The following PIAS1 variants were observed in gnomAD, a reference collection of about 807,000 sequenced individuals.
PIAS1 encodes the protein E3 SUMO-protein ligase PIAS1.
PIAS1 carries 6 observed loss-of-function variants against 71.3 expected under a neutral mutation model. That is an observed-to-expected ratio of 0.08 (90% CI 0.05 to 0.17). The LOEUF (loss-of-function observed/expected upper bound fraction) is 0.17. Among genes scored for constraint, PIAS1 ranks in the 10% least tolerant of loss-of-function variants. PIAS1 has a pLI of 1.00. For synonymous variants in PIAS1, 303 were observed against 292.9 expected (o/e 1.03, Z -0.35); for missense variants, 555 against 793.6 (o/e 0.70, Z 3.61).
At chr15:68,106,545 G>C (rs2092471830) in intron 2 of PIAS1, among the ~76,000 whole-genome samples, 1 of 152,152 alleles carries the variant, frequency 6.6e-6, no homozygotes, top group African/African-American at 2.4e-5. Flanking sequence ...AATTCTAATA[G>C]ACACTTGCCT....
intron 8 of PIAS1, among the ~76,000 whole-genome samples, chr15:68,169,196 A>G (rs1306181149): frequency 6.6e-6 from 1 of 152,202 alleles, no homozygotes; most frequent in Non-Finnish European, 1.5e-5. Context: ...AGGAATTTGT[A>G]TTTCATAGAT....
At chr15:68,056,887 TC>T (rs1323851034) in intron 1 of PIAS1, among the ~76,000 whole-genome samples, 1 of 152,206 alleles carries the variant, frequency 6.6e-6, no homozygotes. Flanking sequence ...TATCATACAT[TC>T]CTAATATGAT....
intron 2 of PIAS1, among the ~76,000 whole-genome samples, chr15:68,125,143 G>A (rs915428786): frequency 2.6e-5 from 4 of 152,028 alleles, no homozygotes; most frequent in Non-Finnish European, 5.9e-5. Flanking sequence ...CCCTGTTCTG[G>A]TCATTTTCTT....
chr15:68,117,240 A>C (rs990850232), intron 2 of PIAS1, among the ~76,000 whole-genome samples: 5 of 151,980 alleles, frequency 3.3e-5, no homozygotes, highest in African/African-American at 1.2e-4. Context: ...GGTGTGCGCC[A>C]CCACACCTGG....
chr15:68,109,923 A>C (rs2092507564), intron 2 of PIAS1, among the ~76,000 whole-genome samples: 1 of 152,218 alleles, frequency 6.6e-6, no homozygotes, highest in African/African-American at 2.4e-5. Context: ...ATGGGATGTT[A>C]GTAGGTGCTC....
intron 2 of PIAS1, among the ~76,000 whole-genome samples, chr15:68,097,478 G>C (rs2092386044): frequency 6.6e-6 from 1 of 151,914 alleles, no homozygotes. Flanking sequence ...TGTCACCCAG[G>C]CTGGAGTGCA....
At chr15:68,073,979 G>T (rs1487134050) in intron 1 of PIAS1, among the ~76,000 whole-genome samples, 1 of 152,178 alleles carries the variant, frequency 6.6e-6, no homozygotes, top group African/African-American at 2.4e-5. Context: ...TAGATTGGAG[G>T]TGAACAAGAA....
intron 2 of PIAS1, among the ~76,000 whole-genome samples, chr15:68,112,004 A>C (rs2092526583): frequency 6.6e-6 from 1 of 152,066 alleles, no homozygotes; most frequent in Non-Finnish European, 1.5e-5. Context: ...TTGAGCCGTA[A>C]CTCTTTGGTG....
chr15:68,130,400 T>C (rs1476929795), intron 2 of PIAS1, among the ~76,000 whole-genome samples: 4 of 151,956 alleles, frequency 2.6e-5, no homozygotes, highest in African/African-American at 9.7e-5. Context: ...CTCTATGAAG[T>C]TTCCAGATAT....
At chr15:68,155,514 T>C (rs889871428) in intron 7 of PIAS1, among the ~76,000 whole-genome samples, 17 of 151,452 alleles carry the variant, frequency 1.1e-4, no homozygotes, top group Non-Finnish European at 1.9e-4. Flanking sequence ...AAATTCTGTT[T>C]ACAATAACTT....
chr15:68,179,564 C>CTTTTTTTTTTTATTTTTTTTTTTT (rs2093040327), intron 11 of PIAS1, among the ~76,000 whole-genome samples: 1 of 40,094 alleles, frequency 2.5e-5, no homozygotes, highest in African/African-American at 9.7e-5. Flanking sequence ...GTGAAATGTT[C>CTTTTTTTTTTTATTTTTTTTTTTT]TTTTTTTTTT....
chr15:68,067,081 T>G (rs2092037331), intron 1 of PIAS1, among the ~76,000 whole-genome samples: 1 of 151,686 alleles, frequency 6.6e-6, no homozygotes. Context: ...ACTTTTAGAT[T>G]TGTGCCTCAC....
chr15:68,060,506 A>G (rs1597111568), intron 1 of PIAS1, among the ~76,000 whole-genome samples: 1 of 148,336 alleles, frequency 6.7e-6, no homozygotes, highest in Non-Finnish European at 1.5e-5. Context: ...TCAGCTACTC[A>G]GGAGGCTGAG....
chr15:68,083,183 C>T lies in PIAS1; in HGVS notation c.25-3123C>T, dbSNP rs975743964. 5.3e-5 allele frequency among the ~76,000 whole-genome samples: 8 copies of T among 152,054 alleles called. No individual in the cohort carries two copies. In the East Asian group the frequency reaches 1.3e-3, roughly 26 times the overall value. On this transcript the variant is annotated intron_variant, in intron 1 of 13. Transcript: ENST00000249636. ...TGGAGATTTTTAAACACCTTAAATG[C>T]AGATTAAAATATATTTCATTTCAAC...
chr15:68,103,472 A>G (rs141229994), intron 2 of PIAS1, among the ~76,000 whole-genome samples: 44 of 152,160 alleles, frequency 2.9e-4, no homozygotes, highest in Non-Finnish European at 4.7e-4. Context: ...TAATTCATAT[A>G]CCACAAAATA....
chr15:68,100,354 A>G (rs1157710457), intron 2 of PIAS1, among the ~76,000 whole-genome samples: 6 of 152,174 alleles, frequency 3.9e-5, no homozygotes, highest in African/African-American at 7.2e-5. Flanking sequence ...TACCACCACA[A>G]TAAAAGATAC....
intron 9 of PIAS1, among the ~76,000 whole-genome samples, 183 bp from the exon 10 acceptor site, chr15:68,175,454 T>G (rs919953854): frequency 2.0e-5 from 3 of 152,242 alleles, no homozygotes; most frequent in African/African-American, 7.2e-5. Context: ...TTTTCCCATA[T>G]GATTAAAAAT....
At chr15:68,072,399 C>CAAAAAAAAAAA (rs1166484451) in intron 1 of PIAS1, among the ~76,000 whole-genome samples, 12 of 25,028 alleles carry the variant, frequency 4.8e-4, no homozygotes, top group African/African-American at 1.6e-3. Flanking sequence ...GACTCCATCT[C>CAAAAAAAAAAA]AAAAAAAAAA....
In PIAS1 at chr15:68,171,195, A is replaced by AG. The variant is rs1216588913; in HGVS notation, c.1009-2537_1009-2536insG. ...CCTGCACAGGGTCCGGATCATCAGT[A>AG]TCACTACTTTCCACCTCCACATCTT... On this transcript the variant is annotated intron_variant, in intron 8 of 13. Transcript: ENST00000249636. This position sits in a 1 kb window ranked among gnomAD's most constrained non-coding sequence, Gnocchi z 4.4. Among the ~76,000 whole-genome samples the AG allele has an allele frequency of 6.6e-6, 1 of 152,184 alleles. No homozygotes were observed. Among genetic ancestry groups the AG allele is most frequent in the Non-Finnish European group, 1.5e-5 (1 of 68,040 alleles).
Sources: allele counts gnomAD v4.1 joint callset (sites outside exome capture counted in the v4.1 genomes callset), GRCh38; gene constraint gnomAD v4.1.1; non-coding constraint Gnocchi (gnomAD v3.1); transcripts MANE v1.5; gene names NCBI Gene and HGNC (gene_info 2026-07-23, HGNC 2026-07-21).